The following MROH1 variants were observed in gnomAD, a reference collection of about 807,000 sequenced individuals.
MROH1 encodes maestro heat-like repeat-containing protein family member 1.
Under a neutral mutation model 116.5 loss-of-function variants are expected in MROH1, and 117 were observed. The ratio of observed to expected loss-of-function variants is 1.00; its 90% CI spans 0.86 to 1.17. The LOEUF (loss-of-function observed/expected upper bound fraction) is 1.17, where lower values mean the gene tolerates loss of function less well. Ranked by LOEUF, MROH1 falls within the 50% of genes most tolerant of loss-of-function variation. The pLI is 0.00. For synonymous variants in MROH1, 921 were observed against 583.9 expected (o/e 1.58, Z -8.32); for missense variants, 1,873 against 1,338.5 (o/e 1.40, Z -6.23).
In MROH1 at chr8:144,242,448, G is replaced by A. The variant is rs995956112; in HGVS notation, c.2258G>A (p.Arg753Gln). The change falls in exon 23 of 44, where the codon CGG becomes CAG. Residue 753 changes from arginine (R) to glutamine (Q), a missense_variant. Arg to Gln is a conservative substitution (Grantham distance 43). Coordinates refer to ENST00000326134, the MANE Select transcript of MROH1 (RefSeq NM_032450.3). ...GGGCACGTGGCGGCCCGGGCCCCCC[G>A]GGAGCTGGTGCTGGCCAAGGTAGAG... The part of the protein sequence containing the change: ...CYGHVAARAP[R>Q]ELVLAKVESD... 1.9e-5 allele frequency: 15 copies of A among 780,546 alleles called. No individual in the cohort carries two copies. Among genetic ancestry groups the A allele is most frequent in the East Asian group, 4.8e-5 (2 of 41,254 alleles). The allele number at this position is 780,546 out of a possible 1,614,324, so 48.4% of individuals were successfully genotyped here.
At chr8:144,254,508 G>A in intron 33 of MROH1, 1 of 331,820 alleles carries the variant, frequency 3.0e-6, no homozygotes, top group Non-Finnish European at 5.6e-6. Context: ...GCTTCCTCCA[G>A]GGAAGATTTG....
intron 1 of MROH1, among the ~76,000 whole-genome samples, chr8:144,158,237 C>T (rs942799822): frequency 3.3e-5 from 5 of 152,100 alleles, no homozygotes; most frequent in East Asian, 3.9e-4. Flanking sequence ...AGGTGATCCA[C>T]GTACTTCAGC....
At chr8:144,155,853 G>A (rs1731939341) in intron 1 of MROH1, among the ~76,000 whole-genome samples, 1 of 151,654 alleles carries the variant, frequency 6.6e-6, no homozygotes, top group African/African-American at 2.4e-5. Context: ...CACTGGTCTC[G>A]AACTCGTGAC....
chr8:144,259,181 G>A (rs2129965923), intron 36 of MROH1, 59 bp from the exon 37 acceptor site: 6 of 705,018 alleles, frequency 8.5e-6, no homozygotes, highest in South Asian at 7.4e-5. Context: ...GGTGGAAGGT[G>A]CCTGGGTAGG....
At chr8:144,192,186 G>A in intron 9 of MROH1, 123 bp from the exon 10 acceptor site, 1 of 805,062 alleles carries the variant, frequency 1.2e-6, no homozygotes, top group Non-Finnish European at 1.9e-6. Flanking sequence ...TGAGCCCCAA[G>A]GTGGGGCCCA....
chr8:144,154,039 C>T (rs975431996), intron 1 of MROH1, among the ~76,000 whole-genome samples: 57 of 151,708 alleles, frequency 3.8e-4, no homozygotes, highest in Admixed American at 3.0e-3. Context: ...GGACTACGGG[C>T]GTGAGCCAAA....
chr8:144,178,256 C>T (rs1824587018), intron 4 of MROH1, among the ~76,000 whole-genome samples: 1 of 152,136 alleles, frequency 6.6e-6, no homozygotes, highest in Non-Finnish European at 1.5e-5. Flanking sequence ...CTCAGCCTCC[C>T]GAGTAGCTGG....
chr8:144,155,613 T>A (rs1409831768), intron 1 of MROH1, among the ~76,000 whole-genome samples: 1 of 151,866 alleles, frequency 6.6e-6, no homozygotes, highest in African/African-American at 2.4e-5. Context: ...ATGATGTTAA[T>A]TACAGGTTTT....
At chr8:144,211,705 G>A (rs1291352718) in intron 12 of MROH1, among the ~76,000 whole-genome samples, 4 of 150,156 alleles carry the variant, frequency 2.7e-5, no homozygotes, top group African/African-American at 9.8e-5. Flanking sequence ...CAGCCTGTGC[G>A]ACAAGAGTGA....
In MROH1 at chr8:144,190,926, A is replaced by G. The variant is rs61735252; in HGVS notation, c.705A>G (p.Arg235=). 6,721 of 1,613,130 alleles carry G rather than the reference A, an allele frequency of 4.2e-3. 189 individuals carry two copies. In the African/African-American group the frequency reaches 0.07, roughly 17 times the overall value. Reference sequence around the variant, plus strand: ...TCTTCCATCAGTGGCTGCAGAGTCGAGAAGCCAAGGTATGCCCCGTGGCTG... The same window carrying G: ...TCTTCCATCAGTGGCTGCAGAGTCGGGAAGCCAAGGTATGCCCCGTGGCTG... The part of the protein sequence containing the change: ...DVLFHQWLQS[R]EAKLRLAVVE... The change falls in exon 8 of 44, where the codon CGA becomes CGG. Residue 235 remains arginine, a synonymous_variant. Transcript: ENST00000326134.
At chr8:144,181,302 T>TGGGGGAGGGGCCCGGTGAG (rs1365878231) in intron 7 of MROH1, among the ~76,000 whole-genome samples, 8 of 58,160 alleles carry the variant, frequency 1.4e-4, no homozygotes, top group South Asian at 5.4e-4. Flanking sequence ...GGCCCGGTGA[T>TGGGGGAGGGGCCCGGTGAG]GGGGGAGGGG....
At chr8:144,183,662 T>C (rs1826234143) in intron 7 of MROH1, among the ~76,000 whole-genome samples, 1 of 151,666 alleles carries the variant, frequency 6.6e-6, no homozygotes, top group Non-Finnish European at 1.5e-5. Flanking sequence ...TTTCTTTTTT[T>C]TTGAGATGGA....
intron 29 of MROH1, among the ~76,000 whole-genome samples, chr8:144,245,473 G>A (rs1035510668): frequency 5.9e-4 from 90 of 152,384 alleles, no homozygotes; most frequent in African/African-American, 2.0e-3. Flanking sequence ...ACTGTTAGCC[G>A]GAAGGAACAT....
In MROH1 at chr8:144,244,204, C is replaced by T; in HGVS notation, c.2556-18C>T. The T allele has an allele frequency of 1.4e-6, 1 of 716,692 alleles. No individual in the cohort carries two copies. The highest frequency in any genetic ancestry group is 2.6e-6 in the Non-Finnish European group (1 of 384,908). The allele number at this position is 716,692 out of a possible 1,614,324, so 44.4% of individuals were successfully genotyped here. On this transcript the variant is annotated intron_variant, in intron 26 of 43. Coordinates refer to ENST00000326134, the MANE Select transcript of MROH1 (RefSeq NM_032450.3). The stretch of plus-strand genomic sequence containing the variant: ...CAGCCTTAGGATCATTGTCTGGGGC[C>T]CTTAACTTGCCTCTCAGCTCCGTGG...
intron 8 of MROH1, 65 bp from the exon 9 acceptor site, chr8:144,191,650 G>T (rs1256773447): frequency 1.9e-6 from 3 of 1,584,826 alleles, no homozygotes; most frequent in African/African-American, 2.7e-5. Context: ...GTGCTTGCTG[G>T]ACATGCTCTG....
At chr8:144,204,141 C>T (rs1336324920) in intron 12 of MROH1, among the ~76,000 whole-genome samples, 2 of 152,184 alleles carry the variant, frequency 1.3e-5, no homozygotes, top group South Asian at 2.1e-4. Context: ...GACAGGGTCT[C>T]GTTCTTTCAC....
In MROH1 at chr8:144,180,304, G is replaced by A. The variant is rs368021553; in HGVS notation, c.427G>A (p.Val143Met). 4.2e-5 allele frequency: 68 copies of A among 1,607,548 alleles called. 1 individual carries two copies. The Middle Eastern group carries it at 1.2e-3, about 27-fold the overall frequency. The change falls in exon 6 of 44, where the codon GTG (valine) becomes ATG (methionine). Residue 143 changes from valine (V) to methionine (M), a missense_variant. Physicochemically the swap from Val to Met is conservative, Grantham distance 21 (BLOSUM62 1). Coordinates refer to ENST00000326134, the MANE Select transcript of MROH1 (RefSeq NM_032450.3). The surrounding 1 kb of genome is among the most constrained non-coding windows in gnomAD (Gnocchi z 7.4). Reference sequence around the variant, plus strand: ...CCCTGGGACCCTGCCACACTGCGCCGTGCTGCACACCCTCGCCAGCCTCTC... The same window carrying A: ...CCCTGGGACCCTGCCACACTGCGCCATGCTGCACACCCTCGCCAGCCTCTC... ...LHPGTLPHCA[V>M]LHTLASLSVA... is the part of the protein sequence containing the mutation.
At position 144,243,596 on chromosome 8, in the gene MROH1, G is replaced by A; in HGVS notation, c.2455G>A (p.Glu819Lys). 1 of 779,938 alleles carries A rather than the reference G, an allele frequency of 1.3e-6. No homozygotes were observed. The highest frequency in any genetic ancestry group is 1.3e-5 in the South Asian group (1 of 74,614). 48.3% of individuals were successfully genotyped at this position (779,938 alleles called of 1,614,324 possible). A position where few individuals can be genotyped will look rare whatever the true frequency, so the allele number is the denominator to read the frequency against. The change falls in exon 25 of 44, where the codon GAG (glutamate) becomes AAG (lysine). Residue 819 changes from glutamate to lysine, a missense_variant. Physicochemically the swap from Glu to Lys is moderately conservative, Grantham distance 56 (BLOSUM62 1). Transcript: ENST00000326134. ...CTCCTTCCACTTCACCCGGAAAGCA[G>A]AGCTGGTGGCACAGATGATGGTGAG... ...AGSFHFTRKA[E>K]LVAQMMEFIR...
In MROH1 at chr8:144,210,684, G is replaced by GTC. The variant is rs58517848; in HGVS notation, c.1142-9900_1142-9899dup. 4.6e-3 allele frequency among the ~76,000 whole-genome samples: 701 copies of GTC among 151,396 alleles called. 3 individuals carry two copies. The highest frequency in any genetic ancestry group is 0.016 in the African/African-American group (674 of 41,138). ...AGCCTGGGTGACAGATGGAGACTCTGTCTCTCTCTCTCTCTCTATCTCTCT... is the reference window on the plus strand; with the variant it reads ...AGCCTGGGTGACAGATGGAGACTCTGTCTCTCTCTCTCTCTCTCTATCTCTCT... On this transcript the variant is annotated intron_variant, in intron 12 of 43. Transcript: ENST00000326134.
Sources: allele counts gnomAD v4.1 joint callset (sites outside exome capture counted in the v4.1 genomes callset), GRCh38; gene constraint gnomAD v4.1.1; non-coding constraint Gnocchi (gnomAD v3.1); transcripts MANE v1.5; gene names NCBI Gene and HGNC (gene_info 2026-07-23, HGNC 2026-07-21).